CORIN: variants seen among roughly 807,000 people sequenced by gnomAD.
CORIN encodes corin, serine peptidase, also known as atrial natriuretic peptide-converting enzyme.
CORIN carries 117 observed loss-of-function variants against 125.3 expected under a neutral mutation model. The ratio of observed to expected loss-of-function variants is 0.93; its 90% CI spans 0.80 to 1.09. CORIN has a LOEUF of 1.09. Among genes scored for constraint, CORIN ranks in the 50% least tolerant of loss-of-function variants. The pLI is 0.00. For missense variants in CORIN, 1,253 were observed against 1,306.7 expected (o/e 0.96, Z 0.63); for synonymous variants, 450 against 466.4 (o/e 0.96, Z 0.45).
chr4:47,768,080 G>C (rs562527160), intron 3 of CORIN, among the ~76,000 whole-genome samples: 1 of 152,180 alleles, frequency 6.6e-6, no homozygotes, highest in Admixed American at 6.5e-5. Flanking sequence ...CCTTCTCCTG[G>C]CTCACCCCGG....
chr4:47,819,465 G>A (rs1348821345), intron 1 of CORIN, among the ~76,000 whole-genome samples: 3 of 152,166 alleles, frequency 2.0e-5, no homozygotes, highest in Non-Finnish European at 4.4e-5. Context: ...GGCCTTCCTA[G>A]AGGAAGAGGG....
chr4:47,706,864 G>A, intron 5 of CORIN: 1 of 1,598,808 alleles, frequency 6.3e-7, no homozygotes, highest in Non-Finnish European at 8.5e-7. Context: ...TGCGTGGGCT[G>A]ACATCTGCAG....
intron 2 of CORIN, among the ~76,000 whole-genome samples, chr4:47,791,845 T>C (rs1354023097): frequency 6.6e-6 from 1 of 152,224 alleles, no homozygotes; most frequent in Non-Finnish European, 1.5e-5. Context: ...ACTTCATACT[T>C]ACTCTGCTGA....
At chr4:47,681,926 G>C (rs1208905848) in intron 7 of CORIN, 1 of 151,654 alleles carries the variant, frequency 6.6e-6, no homozygotes, top group Non-Finnish European at 1.5e-5. Context: ...AAGAAAATAT[G>C]GTACATCTAC....
intron 2 of CORIN, among the ~76,000 whole-genome samples, chr4:47,788,595 T>C (rs1473251878): frequency 6.6e-6 from 1 of 152,232 alleles, no homozygotes; most frequent in Non-Finnish European, 1.5e-5. Context: ...TTAATTACTA[T>C]AGGAAATGTA....
chr4:47,649,648 T>A (rs1381037169), intron 13 of CORIN, among the ~76,000 whole-genome samples: 3 of 152,126 alleles, frequency 2.0e-5, no homozygotes, highest in African/African-American at 7.2e-5. Context: ...TAAGGCTAAG[T>A]AAGGATGTAA....
At position 47,603,468 on chromosome 4, in the gene CORIN, G is replaced by C. The variant is rs755022008; in HGVS notation, c.2741C>G (p.Pro914Arg). The change falls in exon 20 of 22, where the codon CCC (proline) becomes CGC (arginine). Residue 914 changes from proline to arginine, a missense_variant. Transcript: ENST00000273857. ...ETGYVRPVCL[P>R]NPEQWLEPDT... ...AGGCTCTAGCCACTGCTCCGGGTTG[G>C]GCAAGCAGACAGGCCGGACGTAGCC... 21 of 1,614,048 alleles carry C rather than the reference G, an allele frequency of 1.3e-5. No individual in the cohort carries two copies. Among genetic ancestry groups the C allele is most frequent in the Non-Finnish European group, 1.6e-5 (19 of 1,180,046 alleles).
chr4:47,631,390 T>C (rs187819951), intron 16 of CORIN, among the ~76,000 whole-genome samples: 73 of 152,170 alleles, frequency 4.8e-4, no homozygotes, highest in Non-Finnish European at 9.0e-4. Context: ...TTAGTGGCCT[T>C]AGATTCTCCC....
At chr4:47,644,738 A>G (rs1417998562) in intron 14 of CORIN, among the ~76,000 whole-genome samples, 1 of 152,168 alleles carries the variant, frequency 6.6e-6, no homozygotes, top group Non-Finnish European at 1.5e-5. Flanking sequence ...CTAATGACAT[A>G]TAATGAATCC....
chr4:47,768,556 T>C (rs1362051130), intron 3 of CORIN, among the ~76,000 whole-genome samples: 1 of 152,116 alleles, frequency 6.6e-6, no homozygotes, highest in Non-Finnish European at 1.5e-5. Flanking sequence ...CTTTGATGAA[T>C]ATAGATACAA....
At chr4:47,673,158 G>T (rs1459807086) in intron 10 of CORIN, among the ~76,000 whole-genome samples, 1 of 151,500 alleles carries the variant, frequency 6.6e-6, no homozygotes, top group Non-Finnish European at 1.5e-5. Flanking sequence ...GACCAACATG[G>T]TGAAACGCCA....
chr4:47,598,968 A>G (rs1721351179), intron 21 of CORIN, among the ~76,000 whole-genome samples: 1 of 152,194 alleles, frequency 6.6e-6, no homozygotes, highest in Non-Finnish European at 1.5e-5. Flanking sequence ...ATCCTCATGG[A>G]CAGAATTAGT....
At chr4:47,737,211 C>G (rs140084554) in intron 5 of CORIN, among the ~76,000 whole-genome samples, 1 of 152,298 alleles carries the variant, frequency 6.6e-6, no homozygotes, top group Middle Eastern at 3.4e-3. Flanking sequence ...GCAAAATCAG[C>G]TTAGTCTCTG....
At chr4:47,627,021 T>C (rs569506058) in intron 16 of CORIN, among the ~76,000 whole-genome samples, 1 of 152,220 alleles carries the variant, frequency 6.6e-6, no homozygotes, top group Admixed American at 6.5e-5. Flanking sequence ...TCTTGCTCTG[T>C]TGCCCAGGCT....
intron 16 of CORIN, among the ~76,000 whole-genome samples, chr4:47,636,870 C>T (rs1192285991): frequency 6.6e-6 from 1 of 152,006 alleles, no homozygotes; most frequent in Non-Finnish European, 1.5e-5. Flanking sequence ...GCTGTAGATA[C>T]CCAAAAGTGT....
At chr4:47,656,010 C>A (rs1723959271) in intron 12 of CORIN, among the ~76,000 whole-genome samples, 1 of 151,928 alleles carries the variant, frequency 6.6e-6, no homozygotes, top group African/African-American at 2.4e-5. Context: ...ACCCTGAAAC[C>A]AAAGCTAGAC....
At chr4:47,761,438 C>G (rs1729455228) in intron 4 of CORIN, among the ~76,000 whole-genome samples, 1 of 151,418 alleles carries the variant, frequency 6.6e-6, no homozygotes, top group Non-Finnish European at 1.5e-5. Context: ...ATGGAATCAA[C>G]CTAAGTATCC....
At chr4:47,770,621 A>C (rs1729981942) in intron 3 of CORIN, among the ~76,000 whole-genome samples, 1 of 152,194 alleles carries the variant, frequency 6.6e-6, no homozygotes. Context: ...TATGGACTCA[A>C]TAAAAATGTC....
In CORIN at chr4:47,601,488, A is replaced by G. The variant is rs1721446846; in HGVS notation, c.2813-1141T>C. On this transcript the variant is annotated intron_variant, in intron 20 of 21. Transcript: ENST00000273857. Reference sequence around the variant, plus strand: ...CTCCCAAGTAGCTGGGACTACAGGCACACACCCCCATGCCAAGCTAATTTT... The same window carrying G: ...CTCCCAAGTAGCTGGGACTACAGGCGCACACCCCCATGCCAAGCTAATTTT... Among the ~76,000 whole-genome samples, 3 of 151,858 alleles carry G rather than the reference A, an allele frequency of 2.0e-5. No individual in the cohort carries two copies. The South Asian group carries it at 6.2e-4, about 31-fold the overall frequency.
Sources: allele counts gnomAD v4.1 joint callset (sites outside exome capture counted in the v4.1 genomes callset), GRCh38; gene constraint gnomAD v4.1.1; transcripts MANE v1.5; gene names NCBI Gene and HGNC (gene_info 2026-07-23, HGNC 2026-07-21).